Variants in RNF31 observed in about 807,000 individuals in gnomAD.
The protein encoded by RNF31 is E3 ubiquitin-protein ligase RNF31.
A neutral mutation model predicts 133.6 loss-of-function variants in RNF31; 38 were observed. The observed-to-expected ratio is 0.28, with a 90% CI of 0.22 to 0.37. RNF31 has a LOEUF of 0.37. RNF31 is among the 10% of genes least tolerant of loss of function. The probability of loss-of-function intolerance (pLI) is 1.00; values close to 1 mark genes in which losing one functional copy is unlikely to be tolerated. For synonymous variants in RNF31, 582 were observed against 552.3 expected (o/e 1.05, Z -0.75); for missense variants, 1,118 against 1,394.1 (o/e 0.80, Z 3.15).
In RNF31 at chr14:24,160,628, C is replaced by A; in HGVS notation, c.*55C>A. 1 of 1,359,140 alleles carries A rather than the reference C, an allele frequency of 7.4e-7. No individual in the cohort carries two copies. Among genetic ancestry groups the A allele is most frequent in the South Asian group, 1.8e-5 (1 of 56,170 alleles). The allele number at this position is 1,359,140 out of a possible 1,614,324, so 84.2% of individuals were successfully genotyped here. A position where few individuals can be genotyped will look rare whatever the true frequency, so the allele number is the denominator to read the frequency against. Reference sequence around the variant, plus strand: ...ATGGCCTGCTCCCTCAGGAACAGCTCCAGCACCAATAAAGAGGCATCTTAC... The same window carrying A: ...ATGGCCTGCTCCCTCAGGAACAGCTACAGCACCAATAAAGAGGCATCTTAC... On this transcript the variant is annotated 3_prime_UTR_variant, in exon 21 of 21. Transcript: ENST00000324103. This position sits in a 1 kb window ranked among gnomAD's most constrained non-coding sequence, Gnocchi z 4.0.
intron 5 of RNF31, 110 bp downstream of exon 5, chr14:24,148,986 G>A (rs569834236): frequency 5.1e-5 from 54 of 1,059,012 alleles, no homozygotes; most frequent in South Asian, 2.6e-4. Context: ...GTTTTGAGAC[G>A]GAGTTTTGCT....
rs780050677 is a variant in RNF31 at position 24,151,928 on chromosome 14, C to T, written c.2066C>T (p.Ala689Val). 6.2e-7 allele frequency: 1 copy of T among 1,614,188 alleles called. No individual in the cohort carries two copies. The highest frequency in any genetic ancestry group is 1.7e-5 in the Admixed American group (1 of 60,028). The change falls in exon 11 of 21, where the codon GCC (alanine) becomes GTC (valine). Residue 689 changes from alanine to valine, a missense_variant. Ala to Val is a moderately conservative substitution (Grantham distance 64). Around this residue, in one of 3 missense-constraint regions of RNF31, gnomAD observed 201 missense variants for 371.7 expected, o/e 0.54. Transcript: ENST00000324103. This position sits in a 1 kb window ranked among gnomAD's most constrained non-coding sequence, Gnocchi z 5.3. The part of the protein sequence containing the change: ...VEAVRHSQDR[A>V]FLRRLLAQEC... The stretch of plus-strand genomic sequence containing the variant: ...GCTGTGAGGCACAGCCAGGACCGGG[C>T]CTTCCTGCGCCGCTTGCTTGCCCAG...
Position 24,158,218 on chromosome 14 carries a change from C to T in RNF31, c.2899+19C>T. 1 of 1,612,614 alleles carries T rather than the reference C, an allele frequency of 6.2e-7. No individual in the cohort carries two copies. Among genetic ancestry groups the T allele is most frequent in the Non-Finnish European group, 8.5e-7 (1 of 1,178,668 alleles). On this transcript the variant is annotated intron_variant, in intron 18 of 20. Coordinates refer to ENST00000324103, the MANE Select transcript of RNF31 (RefSeq NM_017999.5). ...CCTGGAGGTGAGTGTTAGGACAAGC[C>T]TTTGAGAAGAGGAGATGGTGTGCTG...
Position 24,151,361 on chromosome 14 carries a change from G to C in RNF31, c.1719G>C (p.Val573=), listed in dbSNP as rs781000373. The change falls in exon 9 of 21, where the codon GTG becomes GTC. Residue 573 remains valine (V), a synonymous_variant. Coordinates refer to ENST00000324103, the MANE Select transcript of RNF31 (RefSeq NM_017999.5). The surrounding 1 kb of genome is among the most constrained non-coding windows in gnomAD (Gnocchi z 5.3). ...GNLDEAVEEC[V]RTRRRKVQEL... Reference sequence around the variant, plus strand: ...TTGATGAAGCTGTGGAGGAGTGTGTGAGGACCAGGCGAAGGAAGGTATCAG... The same window carrying C: ...TTGATGAAGCTGTGGAGGAGTGTGTCAGGACCAGGCGAAGGAAGGTATCAG... 1.9e-6 allele frequency: 3 copies of C among 1,614,222 alleles called. No individual in the cohort carries two copies. The highest frequency in any genetic ancestry group is 1.7e-6 in the Non-Finnish European group (2 of 1,180,040).
intron 8 of RNF31, 59 bp downstream of exon 8, chr14:24,150,947 A>G (rs2038256608): frequency 3.3e-6 from 5 of 1,523,972 alleles, no homozygotes. Flanking sequence ...GAGATGCTGC[A>G]GGTGGTTAAT....
In RNF31 at chr14:24,148,687, A is replaced by G. The variant is rs759479707; in HGVS notation, c.541A>G (p.Lys181Glu). 1.9e-6 allele frequency: 3 copies of G among 1,614,196 alleles called. No homozygotes were observed. In the Admixed American group the frequency reaches 5.0e-5, roughly 27 times the overall value. The change falls in exon 4 of 21, where the codon AAG (lysine) becomes GAG (glutamate). Residue 181 changes from lysine to glutamate, a missense_variant. Physicochemically the swap from Lys to Glu is moderately conservative, Grantham distance 56. Around this residue, in one of 3 missense-constraint regions of RNF31, gnomAD observed 747 missense variants for 827.9 expected, o/e 0.90. Coordinates refer to ENST00000324103, the MANE Select transcript of RNF31 (RefSeq NM_017999.5). ...GGCACTGGAGCAGCTGTTGGAAGAC[A>G]AGGTTGAAGATGATGTAAGGAAGGC... ...QQALEQLLEDKVEDDMLQLSE... is the reference protein window; with the variant it reads ...QQALEQLLEDEVEDDMLQLSE...
chr14:24,158,777 C>T (rs1279161164), intron 18 of RNF31: 2 of 152,316 alleles, frequency 1.3e-5, no homozygotes, highest in African/African-American at 4.8e-5. Context: ...TGGCTCATGC[C>T]TGTAATCCCA....
At position 24,149,092 on chromosome 14, in the gene RNF31, T is replaced by C. The variant is rs2038224000; in HGVS notation, c.631+216T>C. The C allele has an allele frequency of 1.3e-5, 8 of 607,938 alleles. No individual in the cohort carries two copies. In the Admixed American group the frequency reaches 1.8e-4, roughly 13 times the overall value. The allele number at this position is 607,938 out of a possible 1,614,324, so 37.7% of individuals were successfully genotyped here. A position where few individuals can be genotyped will look rare whatever the true frequency, so the allele number is the denominator to read the frequency against. ...GATTCTCCTGCCTCAGCCTCCCGAG[T>C]AGCTGGGATTACAGGCATGCGCCAC... On this transcript the variant is annotated intron_variant, in intron 5 of 20. Coordinates refer to ENST00000324103, the MANE Select transcript of RNF31 (RefSeq NM_017999.5).
Position 24,158,926 on chromosome 14 carries a change from G to C in RNF31, c.2899+727G>C, listed in dbSNP as rs189184303. 7.9e-5 allele frequency among the ~76,000 whole-genome samples: 12 copies of C among 151,140 alleles called. No individual in the cohort carries two copies. In the East Asian group the frequency reaches 2.1e-3, roughly 27 times the overall value. ...CGGGCGCCTGTAGTCCCAGCTACTC[G>C]GGAGGCTGAGGCAGGAGAATGGCAT... On this transcript the variant is annotated intron_variant, in intron 18 of 20. Transcript: ENST00000324103.
rs762854388 is a variant in RNF31 at position 24,147,812 on chromosome 14, A to T, written c.114A>T (p.Leu38=). The part of the protein sequence containing the change: ...AFSLEQLRPL[L]ASSLPLAARY... ...CCCTGGAGCAGCTCCGGCCGCTACT[A>T]GCCAGCTCTCTGCCGCTAGCCGCCC... Residue 38 remains leucine (L), a synonymous_variant, in exon 1 of 21, where the codon CTA becomes CTT. Transcript: ENST00000324103. 4.4e-6 allele frequency: 7 copies of T among 1,604,782 alleles called. No homozygotes were observed. The highest frequency in any genetic ancestry group is 8.5e-7 in the Non-Finnish European group (1 of 1,177,332).
chr14:24,157,584 C>T lies in RNF31; in HGVS notation c.2673C>T (p.Thr891=), dbSNP rs375341281. 4 of 1,614,020 alleles carry T rather than the reference C, an allele frequency of 2.5e-6. No homozygotes were observed. In the African/African-American group the frequency reaches 4.0e-5, roughly 16 times the overall value. ...ARGGCMHFHC[T]QCRHQFCSGC... ...GAGGCTGCATGCACTTTCACTGTAC[C>T]CAGTGCCGCCACCAGTTCTGCAGCG... The change falls in exon 16 of 21, where the codon ACC becomes ACT. Residue 891 remains threonine, a synonymous_variant. Transcript: ENST00000324103.
chr14:24,150,765 AC>A lies in RNF31; in HGVS notation c.1371del (p.Lys458SerfsTer34). 6.3e-7 allele frequency: 1 copy of A among 1,587,606 alleles called. No homozygotes were observed. Among genetic ancestry groups the A allele is most frequent in the Non-Finnish European group, 8.6e-7 (1 of 1,165,848 alleles). On this transcript the variant is annotated frameshift_variant, in exon 8 of 21. Coordinates refer to ENST00000324103, the MANE Select transcript of RNF31 (RefSeq NM_017999.5). LOFTEE classifies it high-confidence loss of function. ...CCTATGCCAGCTCTTTGGAAAAGGG[AC>A]CCCCCAAGCCTGGGCCCCCACGACG... ...RPYASSLEKG[P>X]PKPGPPRRLS...
At chr14:24,159,034 A>G (rs1244349621) in intron 18 of RNF31, among the ~76,000 whole-genome samples, 1 of 30,620 alleles carries the variant, frequency 3.3e-5, no homozygotes, top group Non-Finnish European at 5.1e-5. Flanking sequence ...CTTCGTCTCA[A>G]AAAAAAAAAA....
At chr14:24,148,929 T>C in intron 5 of RNF31, 53 bp downstream of exon 5, 1 of 1,421,530 alleles carries the variant, frequency 7.0e-7, no homozygotes, top group Non-Finnish European at 9.9e-7. Context: ...TGATGGAAAT[T>C]TGGGATGCTC....
intron 8 of RNF31, 91 bp downstream of exon 8, chr14:24,150,979 T>C: frequency 6.6e-7 from 1 of 1,504,180 alleles, no homozygotes; most frequent in Non-Finnish European, 8.9e-7. Context: ...ATCTTGTTAT[T>C]GTTAGCAGCA....
intron 11 of RNF31, among the ~76,000 whole-genome samples, chr14:24,154,385 G>A (rs146182727): frequency 0.011 from 1,671 of 151,980 alleles, 30 homozygotes; most frequent in African/African-American, 0.038. Context: ...CAGGTGATCC[G>A]CCTGCCTCAG....
chr14:24,155,577 A>T lies in RNF31; in HGVS notation c.2404-26A>T, dbSNP rs935922900. ...GGGATGGTTCCAGGTCAGGCCTTTG[A>T]TAACTTTATGCTCTTGCACTTCCAG... On this transcript the variant is annotated intron_variant, in intron 13 of 20. Coordinates refer to ENST00000324103, the MANE Select transcript of RNF31 (RefSeq NM_017999.5). This position sits in a 1 kb window ranked among gnomAD's most constrained non-coding sequence, Gnocchi z 4.9. 3.7e-6 allele frequency: 6 copies of T among 1,613,884 alleles called. No homozygotes were observed. The Admixed American group carries it at 6.7e-5, about 18-fold the overall frequency.
chr14:24,150,830 A>G lies in RNF31; in HGVS notation c.1430A>G (p.Glu477Gly). ...CTGCCCAGTTCCTGTGGAGATCCTG[A>G]GAAGCAGCGCCAAGACAAGATGCGG... ...APLPSSCGDP[E>G]KQRQDKMREE... The change falls in exon 8 of 21, where the codon GAG becomes GGG. Residue 477 changes from glutamate to glycine, a missense_variant. Coordinates refer to ENST00000324103, the MANE Select transcript of RNF31 (RefSeq NM_017999.5). 6.3e-7 allele frequency: 1 copy of G among 1,589,358 alleles called. No individual in the cohort carries two copies. The highest frequency in any genetic ancestry group is 8.6e-7 in the Non-Finnish European group (1 of 1,166,190).
rs753936606 is a variant in RNF31, at chr14:24,151,334, C to G, written c.1692C>G (p.Asn564Lys). ...ARRAWLDRHG[N>K]LDEAVEECVR... ...GAGCCTGGCTGGATCGTCATGGCAA[C>G]CTTGATGAAGCTGTGGAGGAGTGTG... Residue 564 changes from asparagine to lysine, a missense_variant, in exon 9 of 21, where the codon AAC becomes AAG. Asn to Lys is a moderately conservative substitution (Grantham distance 94, BLOSUM62 0). Coordinates refer to ENST00000324103, the MANE Select transcript of RNF31 (RefSeq NM_017999.5). The surrounding 1 kb of genome is among the most constrained non-coding windows in gnomAD (Gnocchi z 5.3). The G allele has an allele frequency of 1.9e-6, 3 of 1,614,072 alleles. No homozygotes were observed. The highest frequency in any genetic ancestry group is 3.3e-5 in the Admixed American group (2 of 59,998).
Sources: allele counts gnomAD v4.1 joint callset (sites outside exome capture counted in the v4.1 genomes callset), GRCh38; gene constraint gnomAD v4.1.1; regional missense constraint gnomAD v4.1.1; non-coding constraint Gnocchi (gnomAD v3.1); transcripts MANE v1.5; gene names NCBI Gene and HGNC (gene_info 2026-07-23, HGNC 2026-07-21).